THSD7B: variants seen among roughly 807,000 people sequenced by gnomAD.
THSD7B encodes the protein thrombospondin type 1 domain containing 7B, also known as thrombospondin type-1 domain-containing protein 7B.
In THSD7B, 138 loss-of-function variants were observed where a neutral mutation model predicts 213.6. That is an observed-to-expected ratio of 0.65 (90% CI 0.56 to 0.74). The LOEUF is 0.74. THSD7B is among the 30% of genes least tolerant of loss of function. The probability of loss-of-function intolerance (pLI) is 0.00; values close to 1 mark genes in which losing one functional copy is unlikely to be tolerated. For missense variants in THSD7B, 1,931 were observed against 1,991.5 expected, an observed-to-expected ratio of 0.97 and a Z score of 0.58; for synonymous variants, 742 against 687.0, an observed-to-expected ratio of 1.08 and a Z score of -1.25.
At chr2:137,607,324 T>C (rs1056155255) in intron 17 of THSD7B, among the ~76,000 whole-genome samples, 27 of 152,278 alleles carry the variant, frequency 1.8e-4, no homozygotes, top group African/African-American at 6.3e-4. Context: ...TACACAGACC[T>C]TCCAAACACA....
At chr2:137,122,792 A>T (rs1018686437) in intron 5 of THSD7B, among the ~76,000 whole-genome samples, 1 of 151,534 alleles carries the variant, frequency 6.6e-6, no homozygotes, top group African/African-American at 2.4e-5. Context: ...TCACACATTT[A>T]CTCCCTGGCT....
At chr2:137,237,914 T>C (rs1681804490) in intron 9 of THSD7B, among the ~76,000 whole-genome samples, 1 of 152,190 alleles carries the variant, frequency 6.6e-6, no homozygotes, top group South Asian at 2.1e-4. Context: ...AAAAATAACT[T>C]GCATTTCCAG....
chr2:137,295,188 C>G (rs943329789), intron 12 of THSD7B, among the ~76,000 whole-genome samples: 1 of 152,044 alleles, frequency 6.6e-6, no homozygotes, highest in Non-Finnish European at 1.5e-5. Flanking sequence ...AAGCCCTGTT[C>G]CAATTAAAAC....
intron 2 of THSD7B, among the ~76,000 whole-genome samples, chr2:136,933,025 T>C: frequency 6.6e-6 from 1 of 152,170 alleles, no homozygotes; most frequent in Non-Finnish European, 1.5e-5. Flanking sequence ...GAAGTCCAGC[T>C]TCTGTTACTG....
At chr2:137,490,366 CTAA>C (rs1266483967) in intron 15 of THSD7B, among the ~76,000 whole-genome samples, 1 of 152,148 alleles carries the variant, frequency 6.6e-6, no homozygotes, top group Non-Finnish European at 1.5e-5. Context: ...AAATCGATTC[CTAA>C]TAATGTTAGA....
At chr2:136,842,699 C>T (rs1242145864) in intron 1 of THSD7B, among the ~76,000 whole-genome samples, 1 of 152,026 alleles carries the variant, frequency 6.6e-6, no homozygotes, top group Non-Finnish European at 1.5e-5. Context: ...ATAATTTCAC[C>T]CAAATCACAG....
At chr2:137,137,532 A>G (rs1230773793) in intron 5 of THSD7B, among the ~76,000 whole-genome samples, 1 of 152,200 alleles carries the variant, frequency 6.6e-6, no homozygotes, top group Non-Finnish European at 1.5e-5. Context: ...CTATTGTTTT[A>G]AAATTGCCTA....
At chr2:137,139,889 T>C (rs982131171) in intron 5 of THSD7B, among the ~76,000 whole-genome samples, 1 of 152,204 alleles carries the variant, frequency 6.6e-6, no homozygotes, top group African/African-American at 2.4e-5. Context: ...TGATATTTTA[T>C]ATCAATGACA....
chr2:137,300,046 G>A (rs1045783319), intron 12 of THSD7B, among the ~76,000 whole-genome samples: 2 of 152,102 alleles, frequency 1.3e-5, no homozygotes, highest in African/African-American at 4.8e-5. Flanking sequence ...TATGGAATGA[G>A]TAGAAGCAGG....
intron 20 of THSD7B, among the ~76,000 whole-genome samples, chr2:137,640,329 C>T (rs1257080731): frequency 6.6e-6 from 1 of 152,182 alleles, no homozygotes; most frequent in African/African-American, 2.4e-5. Flanking sequence ...GGTTCTGAGG[C>T]CTCCCCAGCC....
chr2:137,101,848 T>C (rs1688157381), intron 4 of THSD7B, among the ~76,000 whole-genome samples: 1 of 152,186 alleles, frequency 6.6e-6, no homozygotes, highest in Non-Finnish European at 1.5e-5. Context: ...AGATTTCTCC[T>C]CTTTGGGCAG....
At chr2:136,983,383 A>ACTCACTCT (rs1553462401) in intron 2 of THSD7B, among the ~76,000 whole-genome samples, 88 of 147,638 alleles carry the variant, frequency 6.0e-4, no homozygotes, top group Non-Finnish European at 1.0e-3. Context: ...ACACACACTC[A>ACTCACTCT]CTCTCTCTCT....
intron 7 of THSD7B, among the ~76,000 whole-genome samples, chr2:137,208,309 G>C (rs756929097): frequency 1.8e-4 from 27 of 152,156 alleles, no homozygotes; most frequent in African/African-American, 5.8e-4. Flanking sequence ...TTATCTGTCT[G>C]CTGCTAAATT....
chr2:137,490,109 TA>T (rs1688572113), intron 15 of THSD7B, among the ~76,000 whole-genome samples: 1 of 152,188 alleles, frequency 6.6e-6, no homozygotes, highest in Non-Finnish European at 1.5e-5. Flanking sequence ...TAAACTGTAT[TA>T]AAGTGAGTAT....
At chr2:137,092,964 A>G (rs1185914446) in intron 3 of THSD7B, among the ~76,000 whole-genome samples, 1 of 152,168 alleles carries the variant, frequency 6.6e-6, no homozygotes, top group African/African-American at 2.4e-5. Context: ...AACCACATTC[A>G]GAGGAACCAT....
intron 15 of THSD7B, among the ~76,000 whole-genome samples, chr2:137,477,880 T>C (rs2105101295): frequency 6.6e-6 from 1 of 152,228 alleles, no homozygotes. Flanking sequence ...ATAGTTTTTT[T>C]TTTCTTTCAG....
chr2:137,258,845 C>T (rs964752666), intron 10 of THSD7B, among the ~76,000 whole-genome samples: 1 of 151,354 alleles, frequency 6.6e-6, no homozygotes, highest in Non-Finnish European at 1.5e-5. Context: ...TCCCCCCCAA[C>T]CCCTGACAGG....
At chr2:137,206,799 CCAGTACTT>C (rs1358934518) in intron 7 of THSD7B, among the ~76,000 whole-genome samples, 1 of 151,872 alleles carries the variant, frequency 6.6e-6, no homozygotes, top group Non-Finnish European at 1.5e-5. Flanking sequence ...TTGCTGAAGC[CCAGTACTT>C]CAGCTTAAAT....
chr2:137,363,286 A>G (rs969821836), intron 12 of THSD7B, among the ~76,000 whole-genome samples: 3 of 152,214 alleles, frequency 2.0e-5, no homozygotes, highest in Non-Finnish European at 4.4e-5. Context: ...AGAAAGCAGG[A>G]AAGATCTAAA....
Sources: allele counts gnomAD v4.1 joint callset (sites outside exome capture counted in the v4.1 genomes callset), GRCh38; gene constraint gnomAD v4.1.1; transcripts MANE v1.5; gene names NCBI Gene and HGNC (gene_info 2026-07-23, HGNC 2026-07-21).